Variants in IMPDH1 observed in about 807,000 individuals in gnomAD.
IMPDH1 encodes inosine-5'-monophosphate dehydrogenase 1.
In IMPDH1, 41 loss-of-function variants were observed where a neutral mutation model predicts 73.5. The ratio of observed to expected loss-of-function variants is 0.56; its 90% CI spans 0.43 to 0.72. The LOEUF is 0.72. Ranked by LOEUF, IMPDH1 falls within the 30% of genes least tolerant of loss-of-function variation. The probability of loss-of-function intolerance (pLI) is 0.00; values close to 1 mark genes in which losing one functional copy is unlikely to be tolerated. For missense variants in IMPDH1, 645 were observed against 824.8 expected, an observed-to-expected ratio of 0.78 and a Z score of 2.67; for synonymous variants, 318 against 334.3, an observed-to-expected ratio of 0.95 and a Z score of 0.53.
chr7:128,396,913 G>T lies in IMPDH1; in HGVS notation c.1165+19C>A. 1 of 1,586,928 alleles carries T rather than the reference G, an allele frequency of 6.3e-7. No homozygotes were observed. ...TGGAGGGGCAGGAGCAGGCGGGTGG[G>T]AGGCGACCCCGCACTCACCGTTCCC... On this transcript the variant is annotated intron_variant, in intron 11 of 16. Coordinates refer to ENST00000338791, the MANE Select transcript of IMPDH1 (RefSeq NM_000883.4). The surrounding 1 kb of genome is among the most constrained non-coding windows in gnomAD (Gnocchi z 4.0).
Position 128,398,936 on chromosome 7 carries a change from G to A in IMPDH1, c.875-323C>T, listed in dbSNP as rs968860133. Among the ~76,000 whole-genome samples, 2 of 152,222 alleles carry A rather than the reference G, an allele frequency of 1.3e-5. No individual in the cohort carries two copies. Among genetic ancestry groups the A allele is most frequent in the Admixed American group, 1.3e-4 (2 of 15,286 alleles). On this transcript the variant is annotated intron_variant, in intron 9 of 16. Transcript: ENST00000338791. The surrounding 1 kb of genome is among the most constrained non-coding windows in gnomAD (Gnocchi z 4.3). ...AGTGGCCGAAATCTCCTAGCCAGGA[G>A]TGATGCTGTCCTGCAGGGAGAAGCA...
In IMPDH1 at chr7:128,396,780, A is replaced by G; in HGVS notation, c.1166-85T>C. ...CAGCCTCTTGGGACCCCAGTCTAGC[A>G]CCCCCCAACCCCCCTACAGTGACCA... On this transcript the variant is annotated intron_variant, in intron 11 of 16. Transcript: ENST00000338791. The surrounding 1 kb of genome is among the most constrained non-coding windows in gnomAD (Gnocchi z 4.0). The G allele has an allele frequency of 8.0e-7, 1 of 1,244,046 alleles. No homozygotes were observed. Among genetic ancestry groups the G allele is most frequent in the Non-Finnish European group, 1.1e-6 (1 of 872,050 alleles). The allele number at this position is 1,244,046 out of a possible 1,614,324, so 77.1% of individuals were successfully genotyped here. A position where few individuals can be genotyped will look rare whatever the true frequency, so the allele number is the denominator to read the frequency against.
Position 128,406,893 on chromosome 7 carries a change from T to C in IMPDH1, c.255-1028A>G, listed in dbSNP as rs576742617. 3.3e-5 allele frequency among the ~76,000 whole-genome samples: 5 copies of C among 152,302 alleles called. No individual in the cohort carries two copies. In the East Asian group the frequency reaches 7.7e-4, roughly 23 times the overall value. ...TGTGCATACAAATAAGAACAGGGGC[T>C]AGGGAACTTCTGAAAAATCCCCAAA... On this transcript the variant is annotated intron_variant, in intron 3 of 16. Transcript: ENST00000338791.
Position 128,398,484 on chromosome 7 carries a change from A to G in IMPDH1, c.1004T>C (p.Val335Ala). Reference sequence around the variant, plus strand: ...GTATTTGTCATCCTCACGGGTGCCCACAGCTGCCCCACAGAGCAGCTGCTT... The same window carrying G: ...GTATTTGTCATCCTCACGGGTGCCCGCAGCTGCCCCACAGAGCAGCTGCTT... ...SQKQLLCGAA[V>A]GTREDDKYRL... The change falls in exon 10 of 17, where the codon GTG becomes GCG. Residue 335 changes from valine (V) to alanine (A), a missense_variant. Transcript: ENST00000338791. This position sits in a 1 kb window ranked among gnomAD's most constrained non-coding sequence, Gnocchi z 4.3. 6.2e-7 allele frequency: 1 copy of G among 1,613,694 alleles called. No homozygotes were observed. The highest frequency in any genetic ancestry group is 8.5e-7 in the Non-Finnish European group (1 of 1,179,842).
intron 5 of IMPDH1, 102 bp from the exon 6 acceptor site, chr7:128,401,218 T>C (rs2116672042): frequency 1.2e-6 from 1 of 818,118 alleles, no homozygotes; most frequent in Non-Finnish European, 2.1e-6. Context: ...CCTGGGGACA[T>C]GGCAGTGAAC....
chr7:128,400,504 C>T lies in IMPDH1; in HGVS notation c.615G>A (p.Val205=), dbSNP rs1432769458. The part of the protein sequence containing the change: ...FEQGFITDPV[V]LSPSHTVGDV... ...CGCCCACAGTGTGCGAGGGGCTCAG[C>T]ACCACAGGGTCCGTGATGAAGCCCT... Residue 205 remains valine, a synonymous_variant, in exon 8 of 17, where the codon GTG becomes GTA. Coordinates refer to ENST00000338791, the MANE Select transcript of IMPDH1 (RefSeq NM_000883.4). 3 of 1,612,796 alleles carry T rather than the reference C, an allele frequency of 1.9e-6. No homozygotes were observed. Among genetic ancestry groups the T allele is most frequent in the African/African-American group, 2.7e-5 (2 of 74,922 alleles).
intron 4 of IMPDH1, 139 bp from the exon 5 acceptor site, chr7:128,403,893 C>CTGATGGGG: frequency 3.9e-6 from 3 of 759,808 alleles, no homozygotes; most frequent in Non-Finnish European, 4.7e-6. Flanking sequence ...CCCTACTGCC[C>CTGATGGGG]CATCAGGGCA....
chr7:128,392,948 T>C lies in IMPDH1; in HGVS notation c.*59A>G. 1 of 1,566,938 alleles carries C rather than the reference T, an allele frequency of 6.4e-7. No homozygotes were observed. The highest frequency in any genetic ancestry group is 8.8e-7 in the Non-Finnish European group (1 of 1,137,298). On this transcript the variant is annotated 3_prime_UTR_variant, in exon 17 of 17. Transcript: ENST00000338791. Reference sequence around the variant, plus strand: ...ACCACTCAGTTATGGAGGGAGGCTGTGCCCAAAAGTGGACACTGGGGTGCA... The same window carrying C: ...ACCACTCAGTTATGGAGGGAGGCTGCGCCCAAAAGTGGACACTGGGGTGCA...
Position 128,396,801 on chromosome 7 carries a change from G to C in IMPDH1, c.1166-106C>G. ...TAGCACCCCCCAACCCCCCTACAGT[G>C]ACCAAAGCCCATCATGCTCCCTGCC... On this transcript the variant is annotated intron_variant, in intron 11 of 16. Transcript: ENST00000338791. This position sits in a 1 kb window ranked among gnomAD's most constrained non-coding sequence, Gnocchi z 4.0. 1 of 1,175,206 alleles carries C rather than the reference G, an allele frequency of 8.5e-7. No homozygotes were observed. Among genetic ancestry groups the C allele is most frequent in the Non-Finnish European group, 1.2e-6 (1 of 806,908 alleles). 72.8% of individuals were successfully genotyped at this position (1,175,206 alleles called of 1,614,324 possible). A position where few individuals can be genotyped will look rare whatever the true frequency, so the allele number is the denominator to read the frequency against.
chr7:128,406,444 C>T (rs1485836041), intron 3 of IMPDH1, among the ~76,000 whole-genome samples: 1 of 151,774 alleles, frequency 6.6e-6, no homozygotes, highest in Non-Finnish European at 1.5e-5. Flanking sequence ...GCCCGGAGCC[C>T]TGAGAAACCG....
In IMPDH1 at chr7:128,400,571, G is replaced by A. The variant is rs372615422; in HGVS notation, c.580-32C>T. On this transcript the variant is annotated intron_variant, in intron 7 of 16. Coordinates refer to ENST00000338791, the MANE Select transcript of IMPDH1 (RefSeq NM_000883.4). ...GCAGAGATGGGGGAGGAAAAGGCTG[G>A]AAGAAAGCCAGGGATGATGTCCAGG... 2.8e-5 allele frequency: 44 copies of A among 1,592,870 alleles called. No individual in the cohort carries two copies. In the East Asian group the frequency reaches 9.9e-4, roughly 36 times the overall value.
rs1426648964 is a variant in IMPDH1 at position 128,405,820 on chromosome 7, C to G, written c.300G>C (p.Glu100Asp). The G allele has an allele frequency of 6.5e-7, 1 of 1,541,752 alleles. No individual in the cohort carries two copies. Among genetic ancestry groups the G allele is most frequent in the Non-Finnish European group, 8.7e-7 (1 of 1,145,738 alleles). Reference protein sequence around the residue: ...LISGGTGYVPEDGLTAQQLFA... With the variant: ...LISGGTGYVPDDGLTAQQLFA... ...AGAGCTGCTGCGCGGTGAGCCCATC[C>G]TCGGGCACGTAGCCGGTGCCGCCGC... is the stretch of plus-strand genomic sequence containing the variant. Residue 100 changes from glutamate (E) to aspartate (D), a missense_variant, in exon 4 of 17, where the codon GAG (glutamate) becomes GAC (aspartate). Physicochemically the swap from Glu to Asp is conservative, Grantham distance 45. Transcript: ENST00000338791.
chr7:128,393,245 G>A (rs1315071491), intron 16 of IMPDH1, among the ~76,000 whole-genome samples: 1 of 152,240 alleles, frequency 6.6e-6, no homozygotes, highest in African/African-American at 2.4e-5. Flanking sequence ...TGGGTGCAGA[G>A]ATGGCCATGC....
rs1293997650 is a variant in IMPDH1, at chr7:128,400,076, T to G, written c.874+19A>C. The stretch of plus-strand genomic sequence containing the variant: ...GGGAGTCAGGCTGGGGGTTGAGTTT[T>G]CAACTAGCTCCCTGGTACCTTTCTT... On this transcript the variant is annotated intron_variant, in intron 9 of 16. Coordinates refer to ENST00000338791, the MANE Select transcript of IMPDH1 (RefSeq NM_000883.4). 1 of 1,590,544 alleles carries G rather than the reference T, an allele frequency of 6.3e-7. No individual in the cohort carries two copies. The highest frequency in any genetic ancestry group is 1.3e-5 in the African/African-American group (1 of 74,550).
intron 3 of IMPDH1, among the ~76,000 whole-genome samples, chr7:128,407,358 C>A (rs13242340): frequency 0.33 from 50,229 of 152,128 alleles, 8,362 homozygotes; most frequent in East Asian, 0.36. Context: ...ACAGACTGTT[C>A]CATCTGTGTG....
At chr7:128,405,361 C>T (rs1279681847) in intron 4 of IMPDH1, among the ~76,000 whole-genome samples, 1 of 152,212 alleles carries the variant, frequency 6.6e-6, no homozygotes, top group Non-Finnish European at 1.5e-5. Flanking sequence ...CTCCTGGGGC[C>T]ATGCGGAAGC....
In IMPDH1 at chr7:128,398,501, C is replaced by G. The variant is rs2288550; in HGVS notation, c.987G>C (p.Leu329=). 0.17 allele frequency: 270,603 copies of G among 1,613,462 alleles called. 23,740 individuals carry two copies. Among genetic ancestry groups the G allele is most frequent in the South Asian group, 0.23 (20,557 of 91,060 alleles). Residue 329 remains leucine (L), a synonymous_variant, in exon 10 of 17, where the codon CTG becomes CTC. Coordinates refer to ENST00000338791, the MANE Select transcript of IMPDH1 (RefSeq NM_000883.4). This position sits in a 1 kb window ranked among gnomAD's most constrained non-coding sequence, Gnocchi z 4.3. ...GGGTGCCCACAGCTGCCCCACAGAG[C>G]AGCTGCTTCTGGGAATCCTTGGAGG... ...PLASKDSQKQ[L]LCGAAVGTRE... is the part of the protein sequence containing the mutation.
chr7:128,398,319 C>T lies in IMPDH1; in HGVS notation c.1074+95G>A. On this transcript the variant is annotated intron_variant, in intron 10 of 16. Transcript: ENST00000338791. This position sits in a 1 kb window ranked among gnomAD's most constrained non-coding sequence, Gnocchi z 4.3. The stretch of plus-strand genomic sequence containing the variant: ...GAGAGGAAGAGTAGCAAGGGAGGGG[C>T]ACAGGCTTAATCAGAGGTGAACCTG... 2 of 960,652 alleles carry T rather than the reference C, an allele frequency of 2.1e-6. No homozygotes were observed. Among genetic ancestry groups the T allele is most frequent in the Admixed American group, 3.8e-5 (2 of 53,142 alleles). The allele number at this position is 960,652 out of a possible 1,614,324, so 59.5% of individuals were successfully genotyped here. A position where few individuals can be genotyped will look rare whatever the true frequency, so the allele number is the denominator to read the frequency against.
chr7:128,403,797 C>T, intron 4 of IMPDH1, 43 bp from the exon 5 acceptor site: 2 of 1,576,344 alleles, frequency 1.3e-6, no homozygotes, highest in African/African-American at 2.7e-5. Context: ...GGGAGGGGTG[C>T]CCCAAAGGGG....
Sources: allele counts gnomAD v4.1 joint callset (sites outside exome capture counted in the v4.1 genomes callset), GRCh38; gene constraint gnomAD v4.1.1; non-coding constraint Gnocchi (gnomAD v3.1); transcripts MANE v1.5; gene names NCBI Gene and HGNC (gene_info 2026-07-23, HGNC 2026-07-21).